CHSY3: variants seen among roughly 807,000 people sequenced by gnomAD.
CHSY3 encodes chondroitin sulfate synthase 3.
A neutral mutation model predicts 67.2 loss-of-function variants in CHSY3; 35 were observed. The observed-to-expected ratio is 0.52, with a 90% CI of 0.40 to 0.69. The LOEUF (loss-of-function observed/expected upper bound fraction) is 0.69, where lower values mean the gene tolerates loss of function less well. Among genes scored for constraint, CHSY3 ranks in the 30% least tolerant of loss-of-function variants. The pLI, the probability that CHSY3 is intolerant of heterozygous loss-of-function variation, is 0.00. For synonymous variants in CHSY3, 474 were observed against 434.7 expected (o/e 1.09, Z -1.12); for missense variants, 1,069 against 1,138.5 (o/e 0.94, Z 0.88).
chr5:129,951,738 G>A (rs1464112644), intron 2 of CHSY3, among the ~76,000 whole-genome samples: 1 of 151,990 alleles, frequency 6.6e-6, no homozygotes, highest in African/African-American at 2.4e-5. Flanking sequence ...CTAAACCATT[G>A]GCCATCTATG....
intron 2 of CHSY3, among the ~76,000 whole-genome samples, chr5:130,143,937 T>C (rs1198700646): frequency 6.7e-6 from 1 of 148,774 alleles, no homozygotes; most frequent in South Asian, 2.1e-4. Flanking sequence ...TGAAAGTAAG[T>C]ATTACTTTAT....
intron 2 of CHSY3, among the ~76,000 whole-genome samples, chr5:129,918,313 C>T (rs1005032671): frequency 9.9e-5 from 15 of 152,256 alleles, no homozygotes; most frequent in African/African-American, 3.4e-4. Flanking sequence ...TAAGAGAGTT[C>T]TTATGAGTGG....
chr5:130,052,341 C>T (rs1234847854), intron 2 of CHSY3, among the ~76,000 whole-genome samples: 1 of 152,120 alleles, frequency 6.6e-6, no homozygotes, highest in Non-Finnish European at 1.5e-5. Flanking sequence ...GTTCCCAGAG[C>T]AAGTGAGGGG....
At chr5:130,033,095 A>G (rs2149661110) in intron 2 of CHSY3, among the ~76,000 whole-genome samples, 1 of 152,278 alleles carries the variant, frequency 6.6e-6, no homozygotes, top group South Asian at 2.1e-4. Flanking sequence ...CACACTCCTC[A>G]CAGATGGACA....
At chr5:130,112,301 T>G (rs1435063286) in intron 2 of CHSY3, among the ~76,000 whole-genome samples, 1 of 152,156 alleles carries the variant, frequency 6.6e-6, no homozygotes, top group Non-Finnish European at 1.5e-5. Flanking sequence ...GAAAGTTATT[T>G]TTGTAGTGAC....
chr5:130,060,485 T>A (rs1473914465), intron 2 of CHSY3, among the ~76,000 whole-genome samples: 1 of 152,112 alleles, frequency 6.6e-6, no homozygotes, highest in Non-Finnish European at 1.5e-5. Flanking sequence ...GAAAGCCTTT[T>A]TTTCCAAGAA....
chr5:130,055,615 T>C (rs1006156318), intron 2 of CHSY3, among the ~76,000 whole-genome samples: 2 of 152,084 alleles, frequency 1.3e-5, no homozygotes, highest in East Asian at 3.9e-4. Flanking sequence ...GGACATAAAA[T>C]AAGATGACAC....
At chr5:130,156,775 T>C (rs1769385505) in intron 2 of CHSY3, among the ~76,000 whole-genome samples, 1 of 152,236 alleles carries the variant, frequency 6.6e-6, no homozygotes, top group Non-Finnish European at 1.5e-5. Context: ...TACAGACAGC[T>C]ACTGGCTGAA....
At chr5:130,016,738 A>G (rs903691387) in intron 2 of CHSY3, among the ~76,000 whole-genome samples, 1 of 152,178 alleles carries the variant, frequency 6.6e-6, no homozygotes. Context: ...CAAGGAAAGG[A>G]TAGTCCCTAA....
In CHSY3 at chr5:129,977,959, A is replaced by G. The variant is rs953909084; in HGVS notation, c.1086+69599A>G. ...TTCTGAGTGGAGATTTTAACAAAGC[A>G]GAACTGAAAGAAATCAATCTGAAAC... On this transcript the variant is annotated intron_variant, in intron 2 of 2. Transcript: ENST00000305031. Among the ~76,000 whole-genome samples the G allele has an allele frequency of 2.0e-5, 3 of 152,010 alleles. No homozygotes were observed. In the East Asian group the frequency reaches 5.8e-4, roughly 29 times the overall value.
At chr5:129,960,736 G>A (rs914853582) in intron 2 of CHSY3, among the ~76,000 whole-genome samples, 1 of 151,700 alleles carries the variant, frequency 6.6e-6, no homozygotes, top group Admixed American at 6.6e-5. Context: ...AAAAAATAAT[G>A]CATGCCATTG....
intron 2 of CHSY3, among the ~76,000 whole-genome samples, chr5:129,984,557 G>A: frequency 6.6e-6 from 1 of 152,006 alleles, no homozygotes; most frequent in East Asian, 1.9e-4. Context: ...GGGATTGCAG[G>A]GTCAAATGTT....
At chr5:129,958,835 G>T (rs1762251158) in intron 2 of CHSY3, among the ~76,000 whole-genome samples, 1 of 152,074 alleles carries the variant, frequency 6.6e-6, no homozygotes, top group African/African-American at 2.4e-5. Flanking sequence ...CCTGGCAGAT[G>T]CAGATGTCTT....
intron 2 of CHSY3, among the ~76,000 whole-genome samples, chr5:129,962,448 A>G (rs1252601354): frequency 4.6e-5 from 7 of 152,016 alleles, no homozygotes; most frequent in Non-Finnish European, 1.0e-4. Context: ...ACACTGCACA[A>G]ACTTCCTAAT....
intron 2 of CHSY3, among the ~76,000 whole-genome samples, chr5:129,942,698 C>A (rs918495523): frequency 1.3e-5 from 2 of 152,130 alleles, no homozygotes; most frequent in African/African-American, 4.8e-5. Context: ...TTTCTGATTT[C>A]AAAGCCTATT....
intron 2 of CHSY3, among the ~76,000 whole-genome samples, chr5:130,043,141 T>A (rs1057454435): frequency 6.6e-6 from 1 of 152,060 alleles, no homozygotes; most frequent in Non-Finnish European, 1.5e-5. Context: ...ACAAACTAGG[T>A]CAGAACACAA....
intron 2 of CHSY3, among the ~76,000 whole-genome samples, chr5:130,172,613 G>A (rs1769927398): frequency 2.0e-5 from 3 of 152,172 alleles, no homozygotes. Context: ...TTACAGGTGT[G>A]AGCCACTGTG....
chr5:129,976,872 T>C (rs1454941630), intron 2 of CHSY3, among the ~76,000 whole-genome samples: 1 of 150,918 alleles, frequency 6.6e-6, no homozygotes, highest in Admixed American at 6.6e-5. Flanking sequence ...TTTGCTTTGT[T>C]AAGACAAAGC....
intron 2 of CHSY3, among the ~76,000 whole-genome samples, chr5:129,915,672 T>A (rs1760709178): frequency 6.6e-6 from 1 of 152,212 alleles, no homozygotes; most frequent in South Asian, 2.1e-4. Context: ...ATTTGTTTAT[T>A]TGTAGAGTTT....
Sources: allele counts gnomAD v4.1 joint callset (sites outside exome capture counted in the v4.1 genomes callset), GRCh38; gene constraint gnomAD v4.1.1; transcripts MANE v1.5; gene names NCBI Gene and HGNC (gene_info 2026-07-23, HGNC 2026-07-21).